The following DLGAP2 variants were observed in gnomAD, a reference collection of about 807,000 sequenced individuals.
DLGAP2 encodes the protein disks large-associated protein 2.
A neutral mutation model predicts 100.3 loss-of-function variants in DLGAP2; 26 were observed. The ratio of observed to expected loss-of-function variants is 0.26; its 90% confidence interval spans 0.19 to 0.36. The LOEUF (loss-of-function observed/expected upper bound fraction) is 0.36, where lower values mean the gene tolerates loss of function less well. Ranked by LOEUF, DLGAP2 falls within the 10% of genes least tolerant of loss-of-function variation. DLGAP2 has a pLI of 1.00. For synonymous variants in DLGAP2, 886 were observed against 630.1 expected (o/e 1.41, Z -6.08); for missense variants, 1,858 against 1,453.2 (o/e 1.28, Z -4.53).
chr8:1,570,260 G>A (rs1211791254), intron 6 of DLGAP2, among the ~76,000 whole-genome samples: 1 of 152,258 alleles, frequency 6.6e-6, no homozygotes, highest in Non-Finnish European at 1.5e-5. Context: ...TAACTGTGCT[G>A]GGAACGACTT....
chr8:1,641,270 T>G lies in DLGAP2; in HGVS notation c.1810+8224T>G, dbSNP rs140764289. Among the ~76,000 whole-genome samples, 30 of 152,354 alleles carry G rather than the reference T, an allele frequency of 2.0e-4. 1 individual carries two copies. Among genetic ancestry groups the G allele is most frequent in the African/African-American group, 6.7e-4 (28 of 41,576 alleles). ...GCATCTGTATCAGGAACTGCATATG[T>G]AAGCCAGAATTGCTCGGGTGAGAAC... On this transcript the variant is annotated intron_variant, in intron 8 of 14. Transcript: ENST00000637795.
At chr8:1,346,696 C>G (rs1250741485) in intron 3 of DLGAP2, among the ~76,000 whole-genome samples, 1 of 131,278 alleles carries the variant, frequency 7.6e-6, no homozygotes, top group East Asian at 2.4e-4. Flanking sequence ...GCTTTAAACT[C>G]ATGGTAGCTG....
At chr8:810,877 A>G (rs924788828) in intron 1 of DLGAP2, among the ~76,000 whole-genome samples, 1 of 152,218 alleles carries the variant, frequency 6.6e-6, no homozygotes, top group African/African-American at 2.4e-5. Context: ...ACGGAATTGC[A>G]AACTTGATTA....
chr8:1,495,345 A>C (rs775715054), intron 3 of DLGAP2, among the ~76,000 whole-genome samples: 1 of 152,194 alleles, frequency 6.6e-6, no homozygotes, highest in Non-Finnish European at 1.5e-5. Flanking sequence ...CAGGACAAGG[A>C]GAGGCAGCCG....
chr8:1,570,679 G>A (rs771953073), intron 6 of DLGAP2, among the ~76,000 whole-genome samples: 11 of 150,816 alleles, frequency 7.3e-5, no homozygotes, highest in Non-Finnish European at 1.5e-4. Context: ...GGAGGGAGGG[G>A]TGAACTGTGG....
chr8:839,848 C>T (rs1585918813), intron 1 of DLGAP2, among the ~76,000 whole-genome samples: 2 of 152,352 alleles, frequency 1.3e-5, no homozygotes. Flanking sequence ...CTCTTTTGAT[C>T]CACGGCCTCT....
intron 7 of DLGAP2, among the ~76,000 whole-genome samples, chr8:1,632,269 G>A (rs1025343134): frequency 3.9e-5 from 6 of 152,246 alleles, no homozygotes; most frequent in Non-Finnish European, 7.3e-5. Flanking sequence ...GATATATGCT[G>A]CCGTAATGGG....
chr8:1,660,414 ATATGC>A (rs1798382829), intron 8 of DLGAP2, among the ~76,000 whole-genome samples: 1 of 152,212 alleles, frequency 6.6e-6, no homozygotes, highest in South Asian at 2.1e-4. Context: ...GGATTATATT[ATATGC>A]ATATACGCCC....
At chr8:771,625 G>A (rs112899918) in intron 1 of DLGAP2, among the ~76,000 whole-genome samples, 41 of 152,308 alleles carry the variant, frequency 2.7e-4, no homozygotes, top group African/African-American at 9.9e-4. Flanking sequence ...TAAGAGTAAT[G>A]GTCACGAGAG....
chr8:937,811 T>TA (rs1486222962), intron 2 of DLGAP2, among the ~76,000 whole-genome samples: 1 of 152,138 alleles, frequency 6.6e-6, no homozygotes, highest in South Asian at 2.1e-4. Flanking sequence ...ATTTTTCTCT[T>TA]ACCGAAAGTG....
intron 2 of DLGAP2, among the ~76,000 whole-genome samples, chr8:1,234,947 C>T (rs1200048337): frequency 6.6e-6 from 1 of 152,220 alleles, no homozygotes; most frequent in Non-Finnish European, 1.5e-5. Context: ...GTGTCTGCTT[C>T]TCTCTCACAT....
chr8:1,284,917 C>G (rs1441818045), intron 3 of DLGAP2, among the ~76,000 whole-genome samples: 1 of 152,198 alleles, frequency 6.6e-6, no homozygotes, highest in African/African-American at 2.4e-5. Flanking sequence ...TTCTGTGTTC[C>G]TTTACTTTGT....
At chr8:1,699,688 C>T (rs983856142) in intron 14 of DLGAP2, among the ~76,000 whole-genome samples, 1 of 152,318 alleles carries the variant, frequency 6.6e-6, no homozygotes, top group Admixed American at 6.5e-5. Context: ...GCGAGCAGAT[C>T]TCCAGCACAG....
At chr8:1,097,500 G>A (rs1331979954) in intron 2 of DLGAP2, among the ~76,000 whole-genome samples, 1 of 132,692 alleles carries the variant, frequency 7.5e-6, no homozygotes, top group Non-Finnish European at 1.6e-5. Flanking sequence ...CACCCTCTGT[G>A]GCATGGAGAG....
chr8:855,722 C>A (rs1797264493), intron 1 of DLGAP2, among the ~76,000 whole-genome samples: 2 of 152,146 alleles, frequency 1.3e-5, no homozygotes, highest in South Asian at 4.1e-4. Flanking sequence ...TGAAGCTTTA[C>A]CCTAGCTATG....
chr8:1,298,866 C>T (rs115272345), intron 3 of DLGAP2, among the ~76,000 whole-genome samples: 3,799 of 152,248 alleles, frequency 0.025, 59 homozygotes, highest in Middle Eastern at 0.054. Flanking sequence ...CAGCGAACTC[C>T]CATGGGCAAT....
At chr8:753,353 G>T (rs1042383889) in intron 1 of DLGAP2, 1 of 152,244 alleles carries the variant, frequency 6.6e-6, no homozygotes, top group Non-Finnish European at 1.5e-5. Flanking sequence ...CAGGGCCCTG[G>T]TGGGTTTGTT....
intron 2 of DLGAP2, among the ~76,000 whole-genome samples, chr8:1,126,572 T>G (rs1308603715): frequency 6.6e-6 from 1 of 151,774 alleles, no homozygotes; most frequent in Non-Finnish European, 1.5e-5. Context: ...GATCAGAGGC[T>G]TAGACTCCTG....
In DLGAP2 at chr8:1,229,119, G is replaced by T. The variant is rs557515274; in HGVS notation, c.74-29732G>T. Among the ~76,000 whole-genome samples, 6 of 152,244 alleles carry T rather than the reference G, an allele frequency of 3.9e-5. No individual in the cohort carries two copies. The South Asian group carries it at 1.2e-3, about 32-fold the overall frequency. On this transcript the variant is annotated intron_variant, in intron 2 of 14. Transcript: ENST00000637795. ...GCATACGAAACTCAATTGCATGCAT[G>T]TATACTGCCAATGTACAATACAAAA...
Sources: gnomAD v4.1 joint callset for allele counts (sites outside exome capture counted in the v4.1 genomes callset) on GRCh38, gnomAD v4.1.1 for gene constraint, MANE v1.5 for transcripts, NCBI Gene and HGNC (gene_info 2026-07-23, HGNC 2026-07-21) for gene names.